The following CRYL1 variants were observed in gnomAD, a reference collection of about 807,000 sequenced individuals.
The protein encoded by CRYL1 is lambda-crystallin homolog.
CRYL1 carries 29 observed loss-of-function variants against 36.6 expected under a neutral mutation model. The ratio of observed to expected loss-of-function variants is 0.79; its 90% CI spans 0.59 to 1.08. CRYL1 has a LOEUF of 1.08. Ranked by LOEUF, CRYL1 falls within the 50% of genes least tolerant of loss-of-function variation. The pLI is 0.00. For missense variants in CRYL1, 411 were observed against 407.9 expected, an observed-to-expected ratio of 1.01 and a Z score of -0.06; for synonymous variants, 152 against 151.5, an observed-to-expected ratio of 1.00 and a Z score of -0.02.
At chr13:20,438,694 C>T (rs1027938949) in intron 4 of CRYL1, among the ~76,000 whole-genome samples, 1 of 152,182 alleles carries the variant, frequency 6.6e-6, no homozygotes, top group African/African-American at 2.4e-5. Flanking sequence ...AGGCTGGGCC[C>T]TCTGTGTTGC....
intron 4 of CRYL1, among the ~76,000 whole-genome samples, chr13:20,438,407 AC>A (rs1427623720): frequency 3.9e-5 from 6 of 151,952 alleles, no homozygotes; most frequent in African/African-American, 1.5e-4. Flanking sequence ...CCTTCATGTT[AC>A]CCTCCCCAAG....
At chr13:20,507,621 T>TAA (rs752790656) in intron 2 of CRYL1, among the ~76,000 whole-genome samples, 6 of 152,180 alleles carry the variant, frequency 3.9e-5, no homozygotes, top group Non-Finnish European at 7.3e-5. Context: ...GAAAACTGAT[T>TAA]AAAAGTCCAC....
At chr13:20,508,848 CAAAAAAAAA>C (rs1179533995) in intron 2 of CRYL1, among the ~76,000 whole-genome samples, 1 of 10,446 alleles carries the variant, frequency 9.6e-5, no homozygotes, top group Non-Finnish European at 1.7e-4. Context: ...AGCGAGACTC[CAAAAAAAAA>C]AAAAAAAAAA....
At chr13:20,464,818 G>A (rs2032900204) in intron 3 of CRYL1, among the ~76,000 whole-genome samples, 1 of 152,154 alleles carries the variant, frequency 6.6e-6, no homozygotes, top group Non-Finnish European at 1.5e-5. Flanking sequence ...TTTTGCTTTA[G>A]ATTCCATTTG....
intron 1 of CRYL1, among the ~76,000 whole-genome samples, chr13:20,518,614 A>T (rs187938656): frequency 6.6e-6 from 1 of 152,266 alleles, no homozygotes; most frequent in Non-Finnish European, 1.5e-5. Flanking sequence ...TAGACAAAAG[A>T]TATCATCTGA....
intron 3 of CRYL1, among the ~76,000 whole-genome samples, chr13:20,467,229 A>G (rs561104613): frequency 1.2e-4 from 18 of 152,040 alleles, no homozygotes; most frequent in Admixed American, 2.0e-4. Context: ...TTACAGGCAT[A>G]AGCCACCACC....
chr13:20,475,235 C>T (rs1380683800), intron 3 of CRYL1, among the ~76,000 whole-genome samples: 1 of 152,138 alleles, frequency 6.6e-6, no homozygotes, highest in Non-Finnish European at 1.5e-5. Flanking sequence ...CCCATCACAC[C>T]CCGTGTCTCT....
At chr13:20,506,145 T>C (rs942082629) in intron 2 of CRYL1, among the ~76,000 whole-genome samples, 2 of 152,196 alleles carry the variant, frequency 1.3e-5, no homozygotes, top group African/African-American at 4.8e-5. Flanking sequence ...ACAACATAAC[T>C]GGATTTTCCT....
At chr13:20,446,419 A>G (rs1483796974) in intron 3 of CRYL1, among the ~76,000 whole-genome samples, 1 of 152,196 alleles carries the variant, frequency 6.6e-6, no homozygotes, top group African/African-American at 2.4e-5. Flanking sequence ...GCTAAAAATT[A>G]TATAGTGGAC....
At chr13:20,478,581 T>A (rs559012634) in intron 3 of CRYL1, among the ~76,000 whole-genome samples, 32 of 152,276 alleles carry the variant, frequency 2.1e-4, no homozygotes, top group African/African-American at 7.5e-4. Flanking sequence ...GCTCAAGTGA[T>A]CCTCCCACCT....
At chr13:20,421,359 G>A (rs2031809937) in intron 5 of CRYL1, among the ~76,000 whole-genome samples, 1 of 152,096 alleles carries the variant, frequency 6.6e-6, no homozygotes, top group Non-Finnish European at 1.5e-5. Context: ...GGTCCTCTGG[G>A]AATACAGTTT....
rs1194289019 is a variant in CRYL1 at position 20,425,448 on chromosome 13, G to A, written c.633+6654C>T. Among the ~76,000 whole-genome samples the A allele has an allele frequency of 1.3e-5, 2 of 152,304 alleles. No individual in the cohort carries two copies. The highest frequency in any genetic ancestry group is 1.9e-4 in the East Asian group (1 of 5,188). On this transcript the variant is annotated intron_variant, in intron 5 of 7. Coordinates refer to ENST00000298248, the MANE Select transcript of CRYL1 (RefSeq NM_015974.3). This position sits in a 1 kb window ranked among gnomAD's most constrained non-coding sequence, Gnocchi z 4.4. ...ACGTTGACAATGATATTAGTGAAAC[G>A]GCAGAGCCTCACCGGACTGCCAGAA...
At chr13:20,411,393 T>C (rs2031518981) in intron 6 of CRYL1, among the ~76,000 whole-genome samples, 1 of 152,228 alleles carries the variant, frequency 6.6e-6, no homozygotes, top group Non-Finnish European at 1.5e-5. Flanking sequence ...TTTCATTGGC[T>C]TCTGTTTCTA....
rs114069837 is a variant in CRYL1, at chr13:20,438,595, G to A, written c.438+998C>T. 3.5e-3 allele frequency among the ~76,000 whole-genome samples: 526 copies of A among 152,238 alleles called. 2 individuals carry two copies. Among genetic ancestry groups the A allele is most frequent in the African/African-American group, 0.012 (503 of 41,542 alleles). On this transcript the variant is annotated intron_variant, in intron 4 of 7. Coordinates refer to ENST00000298248, the MANE Select transcript of CRYL1 (RefSeq NM_015974.3). ...CTGGCCTCCCACAATTCTGCACACC[G>A]AGCGTGTTCTTGGCCCAGGGTCTTT...
chr13:20,510,411 G>T (rs2033891857), intron 2 of CRYL1, among the ~76,000 whole-genome samples: 1 of 152,150 alleles, frequency 6.6e-6, no homozygotes, highest in Non-Finnish European at 1.5e-5. Flanking sequence ...CATACTGTAT[G>T]ATTTCAATTA....
At chr13:20,519,960 T>C (rs555045768) in intron 1 of CRYL1, among the ~76,000 whole-genome samples, 33 of 152,356 alleles carry the variant, frequency 2.2e-4, no homozygotes, top group African/African-American at 7.2e-4. Flanking sequence ...ACAGTCCATA[T>C]CTTTTAGATA....
intron 3 of CRYL1, among the ~76,000 whole-genome samples, chr13:20,451,038 A>T (rs535434217): frequency 7.1e-6 from 1 of 141,786 alleles, no homozygotes; most frequent in Admixed American, 7.6e-5. Context: ...AGGGTGGGGA[A>T]CATCACACAC....
At chr13:20,465,165 G>C (rs573704412) in intron 3 of CRYL1, among the ~76,000 whole-genome samples, 1 of 152,328 alleles carries the variant, frequency 6.6e-6, no homozygotes, top group East Asian at 1.9e-4. Context: ...AGGGATATCA[G>C]ACTTTTAAAT....
chr13:20,504,526 G>A (rs1033307336), intron 2 of CRYL1, among the ~76,000 whole-genome samples: 23 of 151,788 alleles, frequency 1.5e-4, no homozygotes, highest in African/African-American at 4.6e-4. Flanking sequence ...GGCTGGTCTC[G>A]AACTCCTGAC....
Sources: allele counts gnomAD v4.1 joint callset (sites outside exome capture counted in the v4.1 genomes callset), GRCh38; gene constraint gnomAD v4.1.1; non-coding constraint Gnocchi (gnomAD v3.1); transcripts MANE v1.5; gene names NCBI Gene and HGNC (gene_info 2026-07-23, HGNC 2026-07-21).